Variants in EFR3A observed in about 807,000 individuals in gnomAD.
EFR3A encodes the protein EFR3 homolog A.
Under a neutral mutation model 104.4 loss-of-function variants are expected in EFR3A, and 76 were observed. The observed-to-expected ratio is 0.73, with a 90% CI of 0.60 to 0.88. The LOEUF (loss-of-function observed/expected upper bound fraction) is 0.88. EFR3A is among the 40% of genes least tolerant of loss of function. The pLI, the probability that EFR3A is intolerant of heterozygous loss-of-function variation, is 0.00. For synonymous variants in EFR3A, 330 were observed against 330.0 expected, an observed-to-expected ratio of 1.00 and a Z score of 0.00; for missense variants, 985 against 1,012.5, an observed-to-expected ratio of 0.97 and a Z score of 0.37.
At chr8:131,923,438 G>A (rs1403192365) in intron 1 of EFR3A, among the ~76,000 whole-genome samples, 2 of 149,216 alleles carry the variant, frequency 1.3e-5, no homozygotes, top group African/African-American at 2.5e-5. Flanking sequence ...TCTTTCTAAT[G>A]TGTTCATTTT....
chr8:131,912,981 AT>A (rs3051318), intron 1 of EFR3A, among the ~76,000 whole-genome samples: 19,150 of 141,064 alleles, frequency 0.14, 1,311 homozygotes, highest in South Asian at 0.17. Flanking sequence ...TATCACTTGT[AT>A]TTTTTTTTTT....
chr8:131,999,081 A>G (rs1360129511), intron 19 of EFR3A, among the ~76,000 whole-genome samples: 1 of 152,068 alleles, frequency 6.6e-6, no homozygotes, highest in Non-Finnish European at 1.5e-5. Context: ...TGAAATCACC[A>G]CACTACTCTT....
chr8:131,997,207 G>A (rs1292735378), intron 19 of EFR3A, among the ~76,000 whole-genome samples: 2 of 152,044 alleles, frequency 1.3e-5, no homozygotes, highest in Admixed American at 1.3e-4. Context: ...CAAAATGCCA[G>A]CATGTCAAGT....
intron 1 of EFR3A, among the ~76,000 whole-genome samples, chr8:131,919,470 G>A (rs1329459264): frequency 1.3e-5 from 2 of 151,676 alleles, no homozygotes. Context: ...GGTGGCGGGC[G>A]CCCACTACTC....
intron 4 of EFR3A, among the ~76,000 whole-genome samples, chr8:131,947,111 G>A (rs1818478336): frequency 6.6e-6 from 1 of 152,002 alleles, no homozygotes; most frequent in South Asian, 2.1e-4. Context: ...GTTTTCCAAA[G>A]TGGTTGCATT....
At chr8:131,941,062 G>T (rs1307183302) in intron 2 of EFR3A, among the ~76,000 whole-genome samples, 1 of 152,040 alleles carries the variant, frequency 6.6e-6, no homozygotes, top group Non-Finnish European at 1.5e-5. Flanking sequence ...ACCCAATTTG[G>T]GTTGAGGAGA....
chr8:131,985,465 T>A (rs914926410), intron 16 of EFR3A, among the ~76,000 whole-genome samples: 2 of 152,212 alleles, frequency 1.3e-5, no homozygotes, highest in Non-Finnish European at 2.9e-5. Flanking sequence ...GAGAATTGTC[T>A]TGTGTCTTTC....
intron 5 of EFR3A, among the ~76,000 whole-genome samples, chr8:131,950,787 A>C (rs1004825029): frequency 1.3e-5 from 2 of 152,272 alleles, no homozygotes; most frequent in South Asian, 4.1e-4. Flanking sequence ...CTGAATCACT[A>C]TCCATCTGAG....
intron 18 of EFR3A, among the ~76,000 whole-genome samples, chr8:131,991,756 C>T (rs1048244380): frequency 3.9e-5 from 6 of 151,978 alleles, no homozygotes; most frequent in Non-Finnish European, 7.4e-5. Flanking sequence ...GCTCCAAAGC[C>T]GAAAGTCTCA....
chr8:131,948,959 C>T (rs566842335), intron 4 of EFR3A, among the ~76,000 whole-genome samples: 1 of 152,002 alleles, frequency 6.6e-6, no homozygotes, highest in Non-Finnish European at 1.5e-5. Flanking sequence ...GTAATAGATG[C>T]AATGTATTTC....
chr8:132,004,360 T>C (rs1821933558), intron 22 of EFR3A, among the ~76,000 whole-genome samples: 1 of 152,224 alleles, frequency 6.6e-6, no homozygotes, highest in African/African-American at 2.4e-5. Flanking sequence ...GAGCTCCGCT[T>C]CCTGTCAGAT....
Position 131,975,932 on chromosome 8 carries a change from T to C in EFR3A, c.1160-95T>C, listed in dbSNP as rs560412865. On this transcript the variant is annotated intron_variant, in intron 10 of 22. Coordinates refer to ENST00000254624, the MANE Select transcript of EFR3A (RefSeq NM_015137.6). ...CTTACAGACTTGTGAGGGATTGTTT[T>C]ACCACATATTGAAAACTTTGGCTAA... 281 of 693,586 alleles carry C rather than the reference T, an allele frequency of 4.1e-4. 1 individual carries two copies. In the East Asian group the frequency reaches 7.5e-3, roughly 19 times the overall value. The allele number at this position is 693,586 out of a possible 1,614,324, so 43.0% of individuals were successfully genotyped here. A position where few individuals can be genotyped will look rare whatever the true frequency, so the allele number is the denominator to read the frequency against.
intron 8 of EFR3A, among the ~76,000 whole-genome samples, chr8:131,965,232 A>G (rs547925350): frequency 2.0e-5 from 3 of 152,326 alleles, no homozygotes; most frequent in South Asian, 4.1e-4. Context: ...TAATTAAACT[A>G]AAGAGCTTCT....
intron 12 of EFR3A, among the ~76,000 whole-genome samples, chr8:131,978,188 T>A (rs2130731298): frequency 6.6e-6 from 1 of 152,252 alleles, no homozygotes; most frequent in Non-Finnish European, 1.5e-5. Flanking sequence ...TTTATTTATA[T>A]TAAACAAATT....
At chr8:131,953,739 A>G (rs1005445246) in intron 5 of EFR3A, 79 bp from the exon 6 acceptor site, 7 of 1,265,854 alleles carry the variant, frequency 5.5e-6, no homozygotes, top group Admixed American at 6.2e-5. Flanking sequence ...CTTGATATCC[A>G]TTCTCTTAGC....
intron 19 of EFR3A, 41 bp downstream of exon 19, chr8:131,996,538 G>C: frequency 7.4e-7 from 1 of 1,349,830 alleles, no homozygotes; most frequent in Non-Finnish European, 1.0e-6. Flanking sequence ...TGTCTTGGTA[G>C]ACATCATTTA....
intron 1 of EFR3A, among the ~76,000 whole-genome samples, chr8:131,915,476 G>A (rs968505312): frequency 1.3e-5 from 2 of 152,194 alleles, no homozygotes; most frequent in Admixed American, 1.3e-4. Flanking sequence ...GTAAAGCACT[G>A]CTGGCTGGAG....
At chr8:131,957,427 C>T (rs1165747717) in intron 7 of EFR3A, among the ~76,000 whole-genome samples, 4 of 149,614 alleles carry the variant, frequency 2.7e-5, no homozygotes, top group Non-Finnish European at 4.4e-5. Flanking sequence ...CTTGGCTCAC[C>T]ACAACCTCTG....
Position 132,003,288 on chromosome 8 carries a change from A to G in EFR3A, c.2360+3A>G. 1 of 1,612,078 alleles carries G rather than the reference A, an allele frequency of 6.2e-7. No individual in the cohort carries two copies. Among genetic ancestry groups the G allele is most frequent in the Non-Finnish European group, 8.5e-7 (1 of 1,178,904 alleles). ...CAAATATTGGAACTCACCATACGGT[A>G]AGGGTTTTGTTATCACAATAGCAAT... On this transcript the variant is annotated splice_donor_region_variant and intron_variant, in intron 22 of 22. Coordinates refer to ENST00000254624, the MANE Select transcript of EFR3A (RefSeq NM_015137.6).
Sources: allele counts gnomAD v4.1 joint callset (sites outside exome capture counted in the v4.1 genomes callset), GRCh38; gene constraint gnomAD v4.1.1; transcripts MANE v1.5; gene names NCBI Gene and HGNC (gene_info 2026-07-23, HGNC 2026-07-21).